Variants in RAB38 observed in about 807,000 individuals in gnomAD.
The protein encoded by RAB38 is ras-related protein Rab-38.
A neutral mutation model predicts 18.4 loss-of-function variants in RAB38; 15 were observed. The observed-to-expected ratio is 0.82, with a 90% CI of 0.55 to 1.26. The LOEUF (loss-of-function observed/expected upper bound fraction) is 1.26, where lower values mean the gene tolerates loss of function less well. Ranked by LOEUF, RAB38 falls within the 50% of genes most tolerant of loss-of-function variation. The pLI is 0.00. For missense variants in RAB38, 294 were observed against 267.4 expected (o/e 1.10, Z -0.69); for synonymous variants, 101 against 104.4 (o/e 0.97, Z 0.20).
At chr11:88,088,999 G>A in the RAB38 span, among the ~76,000 whole-genome samples, 1 of 151,208 alleles carries the variant, frequency 6.6e-6, no homozygotes, top group South Asian at 2.1e-4. Flanking sequence ...TTCTTATAGA[G>A]AAAAATAGAT....
the RAB38 span, among the ~76,000 whole-genome samples, chr11:87,875,295 G>C: frequency 6.6e-6 from 1 of 151,282 alleles, no homozygotes; most frequent in South Asian, 2.1e-4. Flanking sequence ...ACAAATGTAT[G>C]CAATTATGAT....
the RAB38 span, among the ~76,000 whole-genome samples, chr11:88,029,895 G>C: frequency 1.3e-5 from 2 of 152,078 alleles, no homozygotes; most frequent in Non-Finnish European, 2.9e-5. Context: ...GACATCTACA[G>C]AACTCTCCAC....
At chr11:87,878,728 C>T in the RAB38 span, among the ~76,000 whole-genome samples, 6 of 151,660 alleles carry the variant, frequency 4.0e-5, no homozygotes, top group Non-Finnish European at 8.9e-5. Context: ...GCTTTTAAAG[C>T]CAGCTGTGTG....
At chr11:88,104,185 T>C in the RAB38 span, among the ~76,000 whole-genome samples, 4 of 152,166 alleles carry the variant, frequency 2.6e-5, no homozygotes, top group Admixed American at 6.6e-5. Flanking sequence ...CCCTCAGCCA[T>C]AGAAGTGGCG....
At chr11:87,910,748 C>T in the RAB38 span, among the ~76,000 whole-genome samples, 1 of 145,348 alleles carries the variant, frequency 6.9e-6, no homozygotes, top group Non-Finnish European at 1.5e-5. Flanking sequence ...TCAAGTGATT[C>T]TCCTGCCTCA....
chr11:88,076,187 C>T, the RAB38 span, among the ~76,000 whole-genome samples: 3 of 151,720 alleles, frequency 2.0e-5, no homozygotes, highest in Non-Finnish European at 4.4e-5. Context: ...CTACTACAAA[C>T]AACTATATAC....
the RAB38 span, among the ~76,000 whole-genome samples, chr11:88,084,737 TAGTC>T: frequency 6.6e-6 from 1 of 151,828 alleles, no homozygotes; most frequent in Non-Finnish European, 1.5e-5. Context: ...TAATACATAA[TAGTC>T]AGTTATTTTG....
chr11:87,955,525 AG>A, the RAB38 span, among the ~76,000 whole-genome samples: 1 of 152,226 alleles, frequency 6.6e-6, no homozygotes, highest in African/African-American at 2.4e-5. Context: ...AATTATTTAA[AG>A]TATCAGTAGA....
At chr11:88,020,493 CAAT>C in the RAB38 span, among the ~76,000 whole-genome samples, 349 of 152,252 alleles carry the variant, frequency 2.3e-3, 1 homozygote, top group African/African-American at 7.8e-3. Context: ...GACTCCAATA[CAAT>C]AATACCTGAA....
the RAB38 span, among the ~76,000 whole-genome samples, chr11:87,844,975 A>G: frequency 6.6e-6 from 1 of 152,248 alleles, no homozygotes; most frequent in South Asian, 2.1e-4. Flanking sequence ...AATTACCTGT[A>G]TATATCTCAA....
chr11:88,028,751 G>C, the RAB38 span, among the ~76,000 whole-genome samples: 1 of 152,212 alleles, frequency 6.6e-6, no homozygotes, highest in Non-Finnish European at 1.5e-5. Flanking sequence ...ATCTACGTCT[G>C]ATTGGTGTAC....
the RAB38 span, among the ~76,000 whole-genome samples, chr11:88,045,015 G>T: frequency 6.6e-6 from 1 of 152,134 alleles, no homozygotes; most frequent in African/African-American, 2.4e-5. Flanking sequence ...CATAGTCAAG[G>T]CTAATGCTTC....
At chr11:87,937,311 CATAT>C in the RAB38 span, among the ~76,000 whole-genome samples, 14,140 of 80,918 alleles carry the variant, frequency 0.17, 1,296 homozygotes, top group Non-Finnish European at 0.24. Flanking sequence ...ACTTGGTCAT[CATAT>C]ATATATATAT....
the RAB38 span, among the ~76,000 whole-genome samples, chr11:88,073,359 C>G: frequency 2.6e-5 from 4 of 152,130 alleles, no homozygotes; most frequent in Admixed American, 2.0e-4. Context: ...TCTTCCCACA[C>G]TACTGGGTTA....
chr11:87,874,505 C>T, the RAB38 span, among the ~76,000 whole-genome samples: 2 of 149,768 alleles, frequency 1.3e-5, no homozygotes, highest in Non-Finnish European at 1.5e-5. Context: ...GTTGTGGGGT[C>T]GGGGGAGAGG....
the RAB38 span, among the ~76,000 whole-genome samples, chr11:87,839,895 G>A: frequency 6.6e-6 from 1 of 152,154 alleles, no homozygotes; most frequent in African/African-American, 2.4e-5. Context: ...AGAAATCTTT[G>A]TCCTGCATAT....
the RAB38 span, among the ~76,000 whole-genome samples, chr11:88,100,871 T>C: frequency 2.0e-5 from 3 of 151,942 alleles, no homozygotes; most frequent in African/African-American, 7.2e-5. Context: ...AACCCTATCA[T>C]TTACTTACTT....
chr11:87,864,350 A>G, the RAB38 span, among the ~76,000 whole-genome samples: 2 of 150,472 alleles, frequency 1.3e-5, no homozygotes, highest in Admixed American at 1.3e-4. Context: ...ATTATATCAT[A>G]TAATGTTGAT....
chr11:88,055,224 G>A, the RAB38 span, among the ~76,000 whole-genome samples: 1,330 of 152,252 alleles, frequency 8.7e-3, 18 homozygotes, highest in African/African-American at 0.031. Flanking sequence ...CACCAGCACA[G>A]GCAACATAGT....
Sources: allele counts gnomAD v4.1 joint callset (sites outside exome capture counted in the v4.1 genomes callset), GRCh38; gene constraint gnomAD v4.1.1; transcripts MANE v1.5; gene names NCBI Gene and HGNC (gene_info 2026-07-23, HGNC 2026-07-21).